ZNF362: variants seen among roughly 807,000 people sequenced by gnomAD.
ZNF362 encodes the protein zinc finger protein 362, also known as rotund homolog.
A neutral mutation model predicts 42.9 loss-of-function variants in ZNF362; 11 were observed. The ratio of observed to expected loss-of-function variants is 0.26; its 90% CI spans 0.16 to 0.42. The LOEUF is 0.42. ZNF362 is among the 20% of genes least tolerant of loss of function. ZNF362 has a pLI of 1.00. For missense variants in ZNF362, 362 were observed against 576.2 expected (o/e 0.63, Z 3.81); for synonymous variants, 255 against 257.3 (o/e 0.99, Z 0.09).
At chr1:33,224,719 T>C in the ZNF362 span, among the ~76,000 whole-genome samples, 13 of 151,996 alleles carry the variant, frequency 8.6e-5, no homozygotes, top group Non-Finnish European at 1.6e-4. Context: ...AAAGAGAAAA[T>C]AGGGCAGATG....
At chr1:33,214,529 A>G in the ZNF362 span, among the ~76,000 whole-genome samples, 1 of 152,220 alleles carries the variant, frequency 6.6e-6, no homozygotes, top group African/African-American at 2.4e-5. Context: ...TCTGCACAGC[A>G]AAGGAAACAA....
chr1:33,286,334 GT>G (rs975459999), intron 6 of ZNF362, among the ~76,000 whole-genome samples: 23 of 148,866 alleles, frequency 1.5e-4, no homozygotes, highest in African/African-American at 3.0e-4. Flanking sequence ...GAAGAATTCT[GT>G]TTTTTTTTTC....
intron 4 of ZNF362, among the ~76,000 whole-genome samples, chr1:33,279,491 A>T (rs61536674): frequency 0.012 from 1,261 of 101,532 alleles, 18 homozygotes; most frequent in African/African-American, 0.031. Flanking sequence ...TTTTTTTTTT[A>T]AAAAAACATA....
intron 1 of ZNF362, among the ~76,000 whole-genome samples, 184 bp downstream of exon 1, chr1:33,256,838 G>GGCGGCGGCGGCA (rs1284096953): frequency 1.4e-5 from 2 of 147,498 alleles, no homozygotes; most frequent in African/African-American, 4.9e-5. Flanking sequence ...CGGCGGCGGC[G>GGCGGCGGCGGCA]GCGGCGGCAG....
At chr1:33,260,910 C>G (rs1485169131) in intron 1 of ZNF362, among the ~76,000 whole-genome samples, 1 of 152,186 alleles carries the variant, frequency 6.6e-6, no homozygotes, top group Non-Finnish European at 1.5e-5. Flanking sequence ...GAACCTTTGA[C>G]ACTTGGAATC....
At chr1:33,188,582 C>T in the ZNF362 span, among the ~76,000 whole-genome samples, 3 of 152,172 alleles carry the variant, frequency 2.0e-5, no homozygotes, top group African/African-American at 7.2e-5. Context: ...CAACTGGCAC[C>T]ATGTGGCTGG....
the ZNF362 span, among the ~76,000 whole-genome samples, chr1:33,180,680 C>T: frequency 2.0e-5 from 3 of 152,332 alleles, no homozygotes; most frequent in South Asian, 6.2e-4. Flanking sequence ...CGTCCACAAC[C>T]CTGCCCCAGC....
Position 33,298,966 on chromosome 1 carries a change from G to A in ZNF362, c.1183G>A (p.Val395Met), listed in dbSNP as rs756849409. ...YLMKHMSKHTVVEHLVSHHSP... is the reference protein window; with the variant it reads ...YLMKHMSKHTMVEHLVSHHSP... ...GATGAAGCACATGTCCAAACACACG[G>A]TGGTGGAGCACCTGGTGAGCCATCA... The change falls in exon 9 of 9, where the codon GTG becomes ATG. Residue 395 changes from valine (V) to methionine (M), a missense_variant. Val to Met is a conservative substitution (Grantham distance 21, BLOSUM62 1). Transcript: ENST00000539719. 6.2e-7 allele frequency: 1 copy of A among 1,613,854 alleles called. No individual in the cohort carries two copies. The highest frequency in any genetic ancestry group is 1.7e-5 in the Admixed American group (1 of 60,034).
the ZNF362 span, among the ~76,000 whole-genome samples, chr1:33,218,932 TACACACACAC>T: frequency 0.011 from 1,379 of 120,692 alleles, 15 homozygotes; most frequent in Middle Eastern, 0.017. Flanking sequence ...GAGCTGGACA[TACACACACAC>T]ACACACACAC....
At chr1:33,230,641 A>C in the ZNF362 span, among the ~76,000 whole-genome samples, 3 of 152,218 alleles carry the variant, frequency 2.0e-5, no homozygotes, top group African/African-American at 7.2e-5. Context: ...ACCTTGATGG[A>C]TCAATTAGGG....
chr1:33,243,113 GTTAT>G, the ZNF362 span, among the ~76,000 whole-genome samples: 1 of 103,266 alleles, frequency 9.7e-6, no homozygotes, highest in African/African-American at 3.5e-5. Context: ...CTGTTATTAT[GTTAT>G]GTTATGTTAT....
At position 33,280,700 on chromosome 1, in the gene ZNF362, C is replaced by G. The variant is rs1385899358; in HGVS notation, c.683+243C>G. On this transcript the variant is annotated intron_variant, in intron 5 of 8. Coordinates refer to ENST00000539719, the MANE Select transcript of ZNF362 (RefSeq NM_152493.3). The surrounding 1 kb of genome is among the most constrained non-coding windows in gnomAD (Gnocchi z 5.6). ...AGGTGTGGTCTGTGGCTGGCAGCCACCCCCACAGCCTGGGGTTGTGAGAGT... is the reference window on the plus strand; with the variant it reads ...AGGTGTGGTCTGTGGCTGGCAGCCAGCCCCACAGCCTGGGGTTGTGAGAGT... 6.6e-6 allele frequency among the ~76,000 whole-genome samples: 1 copy of G among 152,210 alleles called. No individual in the cohort carries two copies. Among genetic ancestry groups the G allele is most frequent in the Non-Finnish European group, 1.5e-5 (1 of 68,028 alleles).
the ZNF362 span, among the ~76,000 whole-genome samples, chr1:33,160,929 C>T: frequency 6.6e-6 from 1 of 152,330 alleles, no homozygotes; most frequent in African/African-American, 2.4e-5. Flanking sequence ...ATGGTTTTCT[C>T]TGCCCCCAAG....
At chr1:33,279,984 G>A (rs1348742762) in intron 4 of ZNF362, 140 bp from the exon 5 acceptor site, 5 of 928,352 alleles carry the variant, frequency 5.4e-6, no homozygotes, top group Non-Finnish European at 1.5e-6. Context: ...ACATGCACAA[G>A]GTCTCATTTA....
intron 6 of ZNF362, among the ~76,000 whole-genome samples, chr1:33,285,375 C>G (rs1003327881): frequency 6.6e-6 from 1 of 152,178 alleles, no homozygotes; most frequent in Non-Finnish European, 1.5e-5. Flanking sequence ...GATCATGCCA[C>G]TGCACTGCAG....
At chr1:33,229,562 A>G in the ZNF362 span, among the ~76,000 whole-genome samples, 1 of 152,040 alleles carries the variant, frequency 6.6e-6, no homozygotes, top group African/African-American at 2.4e-5. Context: ...GCCCACCACC[A>G]CACCGGCTAG....
chr1:33,244,700 C>A, the ZNF362 span, among the ~76,000 whole-genome samples: 1 of 152,162 alleles, frequency 6.6e-6, no homozygotes, highest in African/African-American at 2.4e-5. The surrounding 1 kb of genome is among the most constrained non-coding windows in gnomAD (Gnocchi z 4.0). Flanking sequence ...TCACTGGCTT[C>A]ATCTCTCTGA....
chr1:33,142,535 T>C, the ZNF362 span: 1 of 152,016 alleles, frequency 6.6e-6, no homozygotes, highest in Non-Finnish European at 1.5e-5. Flanking sequence ...CCTTCCCCAA[T>C]AGAGATGGGG....
chr1:33,155,197 G>A, the ZNF362 span, among the ~76,000 whole-genome samples: 27 of 151,388 alleles, frequency 1.8e-4, no homozygotes, highest in South Asian at 4.2e-4. Flanking sequence ...TCAGCCTCCC[G>A]AGTAATTGGG....
Sources: allele counts gnomAD v4.1 joint callset (sites outside exome capture counted in the v4.1 genomes callset), GRCh38; gene constraint gnomAD v4.1.1; non-coding constraint Gnocchi (gnomAD v3.1); transcripts MANE v1.5; gene names NCBI Gene and HGNC (gene_info 2026-07-23, HGNC 2026-07-21).